SGCD: variants seen among roughly 807,000 people sequenced by gnomAD.
SGCD encodes sarcoglycan delta, also known as delta-sarcoglycan.
In SGCD, 18 loss-of-function variants were observed where a neutral mutation model predicts 36.6. The ratio of observed to expected loss-of-function variants is 0.49; its 90% CI spans 0.34 to 0.73. SGCD has a LOEUF of 0.73. Ranked by LOEUF, SGCD falls within the 30% of genes least tolerant of loss-of-function variation. The pLI is 0.01. For missense variants in SGCD, 387 were observed against 346.7 expected, an observed-to-expected ratio of 1.12 and a Z score of -0.92; for synonymous variants, 133 against 130.6, an observed-to-expected ratio of 1.02 and a Z score of -0.12.
chr5:155,812,096 G>C, the SGCD span, among the ~76,000 whole-genome samples: 1 of 152,300 alleles, frequency 6.6e-6, no homozygotes, highest in Non-Finnish European at 1.5e-5. Context: ...GAAACAGGAC[G>C]TGAAGCTAGA....
At chr5:155,837,155 A>ATTAT in the SGCD span, among the ~76,000 whole-genome samples, 5 of 151,960 alleles carry the variant, frequency 3.3e-5, no homozygotes, top group African/African-American at 7.2e-5. Context: ...TTAAATTTTT[A>ATTAT]TTATTTATTT....
At chr5:156,423,046 G>A (rs1453630882) in intron 3 of SGCD, among the ~76,000 whole-genome samples, 2 of 149,574 alleles carry the variant, frequency 1.3e-5, no homozygotes, top group Admixed American at 6.8e-5. Context: ...CAAAACTCAT[G>A]CTGCAAAATT....
the SGCD span, among the ~76,000 whole-genome samples, chr5:155,861,476 G>A: frequency 6.6e-6 from 1 of 151,900 alleles, no homozygotes; most frequent in Non-Finnish European, 1.5e-5. Context: ...GCCGAGGCGG[G>A]CGGATCACAA....
At chr5:156,326,503 T>C (rs1432833729), upstream of SGCD, among the ~76,000 whole-genome samples, 3 of 152,162 alleles carry the variant, frequency 2.0e-5, no homozygotes, top group African/African-American at 7.2e-5. Flanking sequence ...AAAATGTACA[T>C]ATCAGGTTGA....
intron 3 of SGCD, among the ~76,000 whole-genome samples, chr5:156,287,208 T>A (rs1238769232): frequency 6.6e-6 from 1 of 152,140 alleles, no homozygotes; most frequent in African/African-American, 2.4e-5. Flanking sequence ...ACATAATCTC[T>A]TGTAGAAACT....
At chr5:156,294,474 T>A (rs1184540674) in intron 3 of SGCD, among the ~76,000 whole-genome samples, 2 of 152,144 alleles carry the variant, frequency 1.3e-5, no homozygotes, top group Admixed American at 1.3e-4. Context: ...TGCTTTTTAT[T>A]TCCTTTCCTT....
At chr5:156,434,315 C>T (rs564366532) in intron 3 of SGCD, among the ~76,000 whole-genome samples, 15 of 152,266 alleles carry the variant, frequency 9.9e-5, no homozygotes, top group Non-Finnish European at 1.5e-4. Context: ...CTTTTCTGAA[C>T]AGAGTTTAGA....
At chr5:156,655,033 A>C (rs980401753) in intron 7 of SGCD, among the ~76,000 whole-genome samples, 2 of 152,108 alleles carry the variant, frequency 1.3e-5, no homozygotes, top group Non-Finnish European at 2.9e-5. Flanking sequence ...TAAAATTCTC[A>C]CTGCAGTTAA....
chr5:155,975,659 C>T (rs1160630241), intron 1 of SGCD, among the ~76,000 whole-genome samples: 5 of 41,152 alleles, frequency 1.2e-4, no homozygotes, highest in African/African-American at 2.8e-4. Context: ...GACGGAGTTT[C>T]GCTCTTGTTG....
chr5:156,362,915 G>A (rs1769884491), intron 3 of SGCD, among the ~76,000 whole-genome samples: 1 of 152,116 alleles, frequency 6.6e-6, no homozygotes, highest in Admixed American at 6.5e-5. Flanking sequence ...TTGAGAAATT[G>A]AAGGACAGCA....
chr5:155,817,374 G>T, the SGCD span, among the ~76,000 whole-genome samples: 7 of 150,826 alleles, frequency 4.6e-5, no homozygotes, highest in Non-Finnish European at 1.0e-4. Context: ...AGTTTTACTT[G>T]GCCACTAGCA....
intron 3 of SGCD, among the ~76,000 whole-genome samples, chr5:156,137,351 T>C (rs1762484118): frequency 1.3e-5 from 2 of 152,222 alleles, no homozygotes; most frequent in African/African-American, 4.8e-5. Flanking sequence ...AAGTGTCATG[T>C]ATTGTGCACA....
At chr5:156,477,107 A>T (rs1755215706) in intron 3 of SGCD, among the ~76,000 whole-genome samples, 1 of 151,868 alleles carries the variant, frequency 6.6e-6, no homozygotes, top group South Asian at 2.1e-4. Flanking sequence ...ACTGAAAAGC[A>T]GTTTGAAAGA....
intron 4 of SGCD, among the ~76,000 whole-genome samples, chr5:156,571,273 T>C (rs992093719): frequency 6.6e-6 from 1 of 152,206 alleles, no homozygotes; most frequent in African/African-American, 2.4e-5. Context: ...CTTTAACTCC[T>C]GACCTCAAGT....
chr5:156,461,316 T>C (rs1257569080), intron 3 of SGCD, among the ~76,000 whole-genome samples: 1 of 152,164 alleles, frequency 6.6e-6, no homozygotes, highest in African/African-American at 2.4e-5. Context: ...TGGTCTTTCC[T>C]GTTGAGTTAA....
chr5:156,128,616 T>C (rs1762237427), intron 3 of SGCD, among the ~76,000 whole-genome samples: 1 of 152,176 alleles, frequency 6.6e-6, no homozygotes, highest in South Asian at 2.1e-4. Flanking sequence ...GATTGGATCA[T>C]GGAGGTGGTT....
At chr5:156,513,934 A>T (rs1402999627) in intron 4 of SGCD, among the ~76,000 whole-genome samples, 1 of 152,250 alleles carries the variant, frequency 6.6e-6, no homozygotes. Context: ...TAAGCATTCA[A>T]CCATGACATC....
At chr5:155,837,786 A>G in the SGCD span, among the ~76,000 whole-genome samples, 8 of 152,232 alleles carry the variant, frequency 5.3e-5, no homozygotes, top group African/African-American at 1.9e-4. Context: ...TTACTCAGCT[A>G]CCTGAATAGT....
At chr5:156,235,837 A>G (rs1256593827) in intron 3 of SGCD, among the ~76,000 whole-genome samples, 1 of 152,234 alleles carries the variant, frequency 6.6e-6, no homozygotes, top group African/African-American at 2.4e-5. Context: ...CTGAGAGCTC[A>G]GTCTCTCTTC....
Sources: gnomAD v4.1 joint callset for allele counts (sites outside exome capture counted in the v4.1 genomes callset) on GRCh38, gnomAD v4.1.1 for gene constraint, MANE v1.5 for transcripts, NCBI Gene and HGNC (gene_info 2026-07-23, HGNC 2026-07-21) for gene names.